Variants in ZNF804A observed in about 807,000 individuals in gnomAD.
ZNF804A encodes the protein zinc finger protein 804A.
Under a neutral mutation model 16.5 loss-of-function variants are expected in ZNF804A, and 2 were observed. The ratio of observed to expected loss-of-function variants is 0.12; its 90% CI spans 0.05 to 0.38. ZNF804A has a LOEUF of 0.38. Among genes scored for constraint, ZNF804A ranks in the 10% least tolerant of loss-of-function variants. The probability of loss-of-function intolerance (pLI) is 0.99; values close to 1 mark genes in which losing one functional copy is unlikely to be tolerated. For missense variants in ZNF804A, 1,473 were observed against 1,390.7 expected, an observed-to-expected ratio of 1.06 and a Z score of -0.94; for synonymous variants, 534 against 489.6, an observed-to-expected ratio of 1.09 and a Z score of -1.20.
chr2:184,902,862 CT>C (rs1188689997), intron 2 of ZNF804A, among the ~76,000 whole-genome samples: 5 of 152,076 alleles, frequency 3.3e-5, no homozygotes, highest in Non-Finnish European at 7.4e-5. Context: ...GTTGTTTGTG[CT>C]AATACTTTGC....
At chr2:184,614,742 C>G (rs1234572379) in intron 1 of ZNF804A, among the ~76,000 whole-genome samples, 1 of 152,122 alleles carries the variant, frequency 6.6e-6, no homozygotes, top group Non-Finnish European at 1.5e-5. Flanking sequence ...TGAACAGACA[C>G]TTCTGAAAAG....
chr2:184,632,312 A>C (rs1691624983), intron 1 of ZNF804A, among the ~76,000 whole-genome samples: 1 of 152,190 alleles, frequency 6.6e-6, no homozygotes, highest in Admixed American at 6.5e-5. Flanking sequence ...TATTAATGCT[A>C]AATTATCTTT....
chr2:184,680,493 G>A (rs1457685868), intron 1 of ZNF804A, among the ~76,000 whole-genome samples: 2 of 152,220 alleles, frequency 1.3e-5, no homozygotes, highest in African/African-American at 4.8e-5. Context: ...AACAGACACT[G>A]GGACAACTTT....
chr2:184,650,293 A>C (rs1691959591), intron 1 of ZNF804A, among the ~76,000 whole-genome samples: 1 of 152,166 alleles, frequency 6.6e-6, no homozygotes, highest in African/African-American at 2.4e-5. Flanking sequence ...GAATCTAAGA[A>C]TTAAAGTAAC....
At chr2:184,611,877 C>T (rs1430234053) in intron 1 of ZNF804A, among the ~76,000 whole-genome samples, 1 of 152,088 alleles carries the variant, frequency 6.6e-6, no homozygotes, top group Non-Finnish European at 1.5e-5. Context: ...TTATTTTTGG[C>T]CATTATCTAT....
At position 184,936,130 on chromosome 2, in the gene ZNF804A, GATT is replaced by G. The variant is rs567763611; in HGVS notation, c.735_737del (p.Phe246del). The stretch of plus-strand genomic sequence containing the variant: ...AGTGATGATGCCTCAGTGGGAAAAG[GATT>G]TAGCAGAAAAAGTAGATTTGTCCCC... On this transcript the variant is annotated inframe_deletion, in exon 4 of 4. Transcript: ENST00000302277. The G allele has an allele frequency of 2.5e-4, 403 of 1,614,026 alleles. 4 individuals carry two copies. In the African/African-American group the frequency reaches 4.7e-3, roughly 19 times the overall value.
At chr2:184,765,571 T>C (rs575527289) in intron 1 of ZNF804A, among the ~76,000 whole-genome samples, 135 of 132,316 alleles carry the variant, frequency 1.0e-3, no homozygotes, top group African/African-American at 3.5e-3. Context: ...ACGTAACCCC[T>C]GCTTGCTCAA....
At chr2:184,865,303 T>G (rs765501317) in intron 1 of ZNF804A, among the ~76,000 whole-genome samples, 1 of 151,962 alleles carries the variant, frequency 6.6e-6, no homozygotes, top group Non-Finnish European at 1.5e-5. Flanking sequence ...CACGGAAACA[T>G]TGTCCAATTT....
intron 1 of ZNF804A, among the ~76,000 whole-genome samples, chr2:184,754,560 G>T (rs1033806227): frequency 1.3e-5 from 2 of 151,644 alleles, no homozygotes; most frequent in Non-Finnish European, 2.9e-5. Context: ...TAAATTAATG[G>T]TAGAAATAAG....
chr2:184,911,323 G>T (rs1685354142), intron 2 of ZNF804A, among the ~76,000 whole-genome samples: 1 of 151,936 alleles, frequency 6.6e-6, no homozygotes, highest in South Asian at 2.1e-4. Flanking sequence ...GGTTCCATTT[G>T]TCTATGTGTT....
intron 1 of ZNF804A, among the ~76,000 whole-genome samples, chr2:184,713,935 CA>C (rs1237277999): frequency 6.6e-6 from 1 of 151,816 alleles, no homozygotes; most frequent in Non-Finnish European, 1.5e-5. Context: ...TAAGTAAGGT[CA>C]TTTTGAGATC....
At chr2:184,887,518 G>C (rs1684912775) in intron 2 of ZNF804A, among the ~76,000 whole-genome samples, 3 of 152,200 alleles carry the variant, frequency 2.0e-5, no homozygotes, top group Non-Finnish European at 4.4e-5. Flanking sequence ...TGTTGATAAA[G>C]ATGTAATTGA....
At chr2:184,773,077 T>C (rs1694241648) in intron 1 of ZNF804A, among the ~76,000 whole-genome samples, 2 of 150,384 alleles carry the variant, frequency 1.3e-5, no homozygotes, top group Admixed American at 6.7e-5. Flanking sequence ...CACATACATG[T>C]ATATTTGGCC....
At chr2:184,796,948 T>G (rs916566221) in intron 1 of ZNF804A, among the ~76,000 whole-genome samples, 1 of 152,198 alleles carries the variant, frequency 6.6e-6, no homozygotes, top group Admixed American at 6.5e-5. Flanking sequence ...AATATTTTTT[T>G]GAGGGGTTGA....
chr2:184,622,580 A>G (rs1691436356), intron 1 of ZNF804A, among the ~76,000 whole-genome samples: 1 of 151,882 alleles, frequency 6.6e-6, no homozygotes, highest in African/African-American at 2.4e-5. Context: ...TATGCCATAT[A>G]TATACACTTT....
intron 1 of ZNF804A, among the ~76,000 whole-genome samples, chr2:184,782,678 T>C (rs1038093839): frequency 3.4e-5 from 5 of 149,120 alleles, no homozygotes; most frequent in African/African-American, 1.2e-4. Flanking sequence ...TAATAGGATA[T>C]GTATATCCTA....
chr2:184,795,977 C>A (rs111257455), intron 1 of ZNF804A, among the ~76,000 whole-genome samples: 1 of 151,166 alleles, frequency 6.6e-6, no homozygotes, highest in Non-Finnish European at 1.5e-5. Flanking sequence ...TTGAGATGAT[C>A]GTGTGATTTG....
intron 1 of ZNF804A, among the ~76,000 whole-genome samples, chr2:184,718,421 A>G (rs1693248040): frequency 6.6e-6 from 1 of 152,106 alleles, no homozygotes. Flanking sequence ...AGTCCCCCAA[A>G]GATTTAACTC....
chr2:184,916,003 CAT>C (rs1368349494), intron 2 of ZNF804A, among the ~76,000 whole-genome samples: 1 of 152,150 alleles, frequency 6.6e-6, no homozygotes. Flanking sequence ...TATTTGCTAA[CAT>C]TCTAATAGAA....
Sources: gnomAD v4.1 joint callset for allele counts (sites outside exome capture counted in the v4.1 genomes callset) on GRCh38, gnomAD v4.1.1 for gene constraint, MANE v1.5 for transcripts, NCBI Gene and HGNC (gene_info 2026-07-23, HGNC 2026-07-21) for gene names.